The following SPATA16 variants were observed in gnomAD, a reference collection of about 807,000 sequenced individuals.
SPATA16 encodes the protein spermatogenesis-associated protein 16.
A neutral mutation model predicts 63.3 loss-of-function variants in SPATA16; 36 were observed. The observed-to-expected ratio is 0.57, with a 90% confidence interval of 0.44 to 0.75. The LOEUF (loss-of-function observed/expected upper bound fraction) is 0.75, where lower values mean the gene tolerates loss of function less well. Among genes scored for constraint, SPATA16 ranks in the 30% least tolerant of loss-of-function variants. The pLI, the probability that SPATA16 is intolerant of heterozygous loss-of-function variation, is 0.00. For missense variants in SPATA16, 646 were observed against 679.3 expected, an observed-to-expected ratio of 0.95 and a Z score of 0.54; for synonymous variants, 203 against 216.7, an observed-to-expected ratio of 0.94 and a Z score of 0.56.
Position 172,913,757 on chromosome 3 carries a change from G to A in SPATA16, c.1504-13C>T, listed in dbSNP as rs755253342. ...TTAGTGACTGCAGCTGTGGCACCAA[G>A]ATAAAAATTATCAGTGTGGAATTCA... is the stretch of plus-strand genomic sequence containing the variant. On this transcript the variant is annotated splice_polypyrimidine_tract_variant and intron_variant, in intron 9 of 10. Coordinates refer to ENST00000351008, the MANE Select transcript of SPATA16 (RefSeq NM_031955.6). 6.2e-7 allele frequency: 1 copy of A among 1,611,020 alleles called. No homozygotes were observed. Among genetic ancestry groups the A allele is most frequent in the Non-Finnish European group, 8.5e-7 (1 of 1,177,638 alleles).
chr3:173,125,222 A>T (rs1370756086), intron 1 of SPATA16, among the ~76,000 whole-genome samples: 3 of 151,970 alleles, frequency 2.0e-5, no homozygotes, highest in Non-Finnish European at 4.4e-5. Context: ...GTTAATCCCT[A>T]TCCTACCATC....
chr3:173,042,183 T>C (rs1372362348), intron 3 of SPATA16, among the ~76,000 whole-genome samples: 5 of 152,116 alleles, frequency 3.3e-5, no homozygotes, highest in Admixed American at 1.3e-4. Flanking sequence ...GTCTACTTTA[T>C]TGAGTATGTT....
At chr3:172,972,407 T>A (rs1476163184) in intron 5 of SPATA16, among the ~76,000 whole-genome samples, 4 of 152,212 alleles carry the variant, frequency 2.6e-5, no homozygotes, top group Non-Finnish European at 5.9e-5. Flanking sequence ...TTTCAGTAGA[T>A]CTTTGTCAAG....
chr3:172,994,028 G>C (rs1560090783), intron 4 of SPATA16, among the ~76,000 whole-genome samples: 2 of 152,144 alleles, frequency 1.3e-5, no homozygotes, highest in East Asian at 3.8e-4. Flanking sequence ...TTTCATTACA[G>C]AGTCTGGGTC....
chr3:172,992,798 C>G (rs1425661795), intron 4 of SPATA16, among the ~76,000 whole-genome samples: 2 of 152,050 alleles, frequency 1.3e-5, no homozygotes, highest in Non-Finnish European at 2.9e-5. Context: ...AGGACTCCTC[C>G]CATCAAAGGG....
At chr3:173,102,145 TTC>T (rs1242916507) in intron 2 of SPATA16, among the ~76,000 whole-genome samples, 1 of 152,186 alleles carries the variant, frequency 6.6e-6, no homozygotes, top group Non-Finnish European at 1.5e-5. Context: ...CCTATATAAT[TTC>T]TCTCTGTAGT....
intron 2 of SPATA16, among the ~76,000 whole-genome samples, chr3:173,109,918 T>C (rs1339801750): frequency 6.6e-6 from 1 of 152,198 alleles, no homozygotes; most frequent in Non-Finnish European, 1.5e-5. Flanking sequence ...ACTTTTTTCT[T>C]ATAATGGCAA....
At chr3:173,046,873 C>G (rs1289453021) in intron 3 of SPATA16, among the ~76,000 whole-genome samples, 7 of 151,960 alleles carry the variant, frequency 4.6e-5, no homozygotes, top group Non-Finnish European at 7.4e-5. Context: ...ATTTATTTCA[C>G]TTGATGCATT....
intron 2 of SPATA16, among the ~76,000 whole-genome samples, chr3:173,084,207 T>C (rs1736992808): frequency 6.6e-6 from 1 of 151,950 alleles, no homozygotes; most frequent in African/African-American, 2.4e-5. Context: ...TTTTAATAAT[T>C]GTCATTCTGT....
At chr3:173,100,941 G>A (rs769790525) in intron 2 of SPATA16, among the ~76,000 whole-genome samples, 55 of 152,228 alleles carry the variant, frequency 3.6e-4, no homozygotes, top group Middle Eastern at 3.4e-3. Flanking sequence ...CTTTAAAGGT[G>A]TATTACAAAA....
At chr3:173,083,364 A>G (rs1736968224) in intron 2 of SPATA16, among the ~76,000 whole-genome samples, 1 of 152,196 alleles carries the variant, frequency 6.6e-6, no homozygotes, top group South Asian at 2.1e-4. Context: ...TATCACATTG[A>G]TAGAGTACTA....
chr3:173,106,386 T>C (rs1208675623), intron 2 of SPATA16, among the ~76,000 whole-genome samples: 1 of 152,226 alleles, frequency 6.6e-6, no homozygotes, highest in Non-Finnish European at 1.5e-5. Flanking sequence ...ACGTGGATTA[T>C]GGCAAATAAA....
intron 4 of SPATA16, among the ~76,000 whole-genome samples, chr3:172,993,538 A>G (rs1418761672): frequency 6.6e-6 from 1 of 152,170 alleles, no homozygotes; most frequent in African/African-American, 2.4e-5. Context: ...GCAAGAGCCA[A>G]CAGGATAGAA....
At chr3:172,899,864 A>C (rs1732091018) in intron 10 of SPATA16, among the ~76,000 whole-genome samples, 1 of 152,102 alleles carries the variant, frequency 6.6e-6, no homozygotes, top group South Asian at 2.1e-4. Flanking sequence ...GAAGTATAGA[A>C]TCATTGCTTT....
intron 5 of SPATA16, among the ~76,000 whole-genome samples, chr3:172,958,135 A>G (rs1230608341): frequency 1.3e-5 from 2 of 152,234 alleles, no homozygotes; most frequent in Non-Finnish European, 2.9e-5. Flanking sequence ...AACAGAAAAT[A>G]CATAGCGGTT....
chr3:173,061,600 T>G (rs1440619879), intron 2 of SPATA16, among the ~76,000 whole-genome samples: 1 of 152,246 alleles, frequency 6.6e-6, no homozygotes, highest in African/African-American at 2.4e-5. Flanking sequence ...GTTCAAGACA[T>G]CAAGGGTATT....
chr3:173,060,017 G>A (rs1736341491), intron 2 of SPATA16, among the ~76,000 whole-genome samples: 1 of 152,006 alleles, frequency 6.6e-6, no homozygotes, highest in Non-Finnish European at 1.5e-5. Context: ...AGCACTTTGG[G>A]AGGCTGAGGT....
intron 10 of SPATA16, among the ~76,000 whole-genome samples, chr3:172,904,309 A>C (rs928825419): frequency 3.3e-5 from 5 of 152,222 alleles, no homozygotes; most frequent in African/African-American, 1.2e-4. Flanking sequence ...ATTCAAAAGC[A>C]AGCTTCAGAC....
chr3:172,958,221 G>A (rs1444712744), intron 5 of SPATA16, among the ~76,000 whole-genome samples: 1 of 152,184 alleles, frequency 6.6e-6, no homozygotes, highest in East Asian at 1.9e-4. Flanking sequence ...GACCAGACAA[G>A]GAATTGCTGG....
Sources: gnomAD v4.1 joint callset for allele counts (sites outside exome capture counted in the v4.1 genomes callset) on GRCh38, gnomAD v4.1.1 for gene constraint, MANE v1.5 for transcripts, NCBI Gene and HGNC (gene_info 2026-07-23, HGNC 2026-07-21) for gene names.